IRF8: variants seen among roughly 807,000 people sequenced by gnomAD.
IRF8 encodes the protein interferon consensus sequence binding protein 1.
In IRF8, 14 loss-of-function variants were observed where a neutral mutation model predicts 48.7. That is an observed-to-expected ratio of 0.29 (90% CI 0.19 to 0.45). The LOEUF (loss-of-function observed/expected upper bound fraction) is 0.45, where lower values mean the gene tolerates loss of function less well. Ranked by LOEUF, IRF8 falls within the 20% of genes least tolerant of loss-of-function variation. IRF8 has a pLI of 1.00. For missense variants in IRF8, 493 were observed against 580.7 expected (o/e 0.85, Z 1.55); for synonymous variants, 278 against 227.3 (o/e 1.22, Z -2.01).
At chr16:85,906,094 T>C (rs888491785) in intron 2 of IRF8, among the ~76,000 whole-genome samples, 4 of 152,206 alleles carry the variant, frequency 2.6e-5, no homozygotes, top group South Asian at 2.1e-4. Flanking sequence ...TTATGATTCA[T>C]GGTTATTCCA....
At chr16:85,919,840 C>G (rs9927932) in intron 7 of IRF8, among the ~76,000 whole-genome samples, 2 of 152,184 alleles carry the variant, frequency 1.3e-5, no homozygotes, top group Admixed American at 1.3e-4. Flanking sequence ...GAGCAATGCA[C>G]GAATTGAGAG....
chr16:85,902,072 G>T (rs777306724), intron 1 of IRF8, among the ~76,000 whole-genome samples: 1 of 152,020 alleles, frequency 6.6e-6, no homozygotes, highest in Non-Finnish European at 1.5e-5. Context: ...CTGCTTGGGT[G>T]AGAGTGTTCT....
At chr16:85,902,707 C>T (rs559767792) in intron 1 of IRF8, 51 of 417,360 alleles carry the variant, frequency 1.2e-4, no homozygotes, top group African/African-American at 1.0e-3. Flanking sequence ...GTGGTTGTAT[C>T]TGCCTGAAAG....
chr16:85,919,227 G>T (rs79625116), intron 7 of IRF8, among the ~76,000 whole-genome samples: 4 of 152,182 alleles, frequency 2.6e-5, no homozygotes, highest in Non-Finnish European at 2.9e-5. Flanking sequence ...TTTGAGACAC[G>T]CTGACTTTCC....
chr16:85,919,778 G>A (rs1905474753), intron 7 of IRF8, among the ~76,000 whole-genome samples: 1 of 152,232 alleles, frequency 6.6e-6, no homozygotes. Context: ...CTCCCTGGGT[G>A]TCCTCAGGTC....
chr16:85,912,348 C>T (rs1464348207), intron 4 of IRF8, among the ~76,000 whole-genome samples: 5 of 152,256 alleles, frequency 3.3e-5, no homozygotes, highest in African/African-American at 9.6e-5. Context: ...GACTAAACCT[C>T]GTGCAGCCTT....
Position 85,921,132 on chromosome 16 carries a change from G to A in IRF8, c.1131G>A (p.Leu377=), listed in dbSNP as rs141548724. ...VQIEQLYVRQ[L]AEEAGKSCGA... is the part of the protein sequence containing the mutation. ...TTGAGCAGCTGTATGTCCGGCAACTGGCAGAAGAGGCTGGGAAGAGCTGTG... is the reference window on the plus strand; with the variant it reads ...TTGAGCAGCTGTATGTCCGGCAACTAGCAGAAGAGGCTGGGAAGAGCTGTG... Residue 377 remains leucine (L), a synonymous_variant, in exon 9 of 9, where the codon CTG becomes CTA. Transcript: ENST00000268638. The A allele has an allele frequency of 9.9e-6, 16 of 1,613,870 alleles. No individual in the cohort carries two copies. The African/African-American group carries it at 1.7e-4, about 18-fold the overall frequency.
intron 3 of IRF8, among the ~76,000 whole-genome samples, chr16:85,910,315 C>G (rs1905108239): frequency 6.6e-6 from 1 of 152,142 alleles, no homozygotes; most frequent in African/African-American, 2.4e-5. Flanking sequence ...GCAATTAGCA[C>G]CTAACTCTAC....
rs147080359 is a variant in IRF8, at chr16:85,918,628, C to T, written c.813C>T (p.Phe271=). 6,392 of 1,608,418 alleles carry T rather than the reference C, an allele frequency of 4.0e-3. 27 individuals carry two copies. Among genetic ancestry groups the T allele is most frequent in the Non-Finnish European group, 4.2e-3 (4,972 of 1,179,530 alleles). Residue 271 remains phenylalanine (F), a synonymous_variant, in exon 7 of 9, where the codon TTC becomes TTT. Transcript: ENST00000268638. ...ERQRQVTRKL[F]GHLERGVLLH... Reference sequence around the variant, plus strand: ...AGAGGCAGGTGACGCGGAAGCTGTTCGGGCACCTGGAGCGCGGGGTGCTGC... The same window carrying T: ...AGAGGCAGGTGACGCGGAAGCTGTTTGGGCACCTGGAGCGCGGGGTGCTGC...
Position 85,917,292 on chromosome 16 carries a change from A to G in IRF8, c.602-1125A>G, listed in dbSNP as rs16939975. ...AACTCACTAAGCTCATTGCTAGCGT[A>G]TGTAATTCTTTTGGTTTAAGGCAAT... On this transcript the variant is annotated intron_variant, in intron 6 of 8. Transcript: ENST00000268638. Among the ~76,000 whole-genome samples the G allele has an allele frequency of 8.3e-3, 1,266 of 152,304 alleles. 18 individuals are homozygous for G. The highest frequency in any genetic ancestry group is 0.029 in the African/African-American group (1,223 of 41,562).
At chr16:85,900,623 G>A (rs1159779784) in intron 1 of IRF8, among the ~76,000 whole-genome samples, 2 of 152,310 alleles carry the variant, frequency 1.3e-5, no homozygotes, top group Middle Eastern at 3.4e-3. Context: ...TTGGGGCGCC[G>A]GCCTGGGTTC....
rs1478941777 is a variant in IRF8 at position 85,921,637 on chromosome 16, G to A, written c.*355G>A. ...AGTAATATTAGCAGATAGCTGCTTC[G>A]ATAAAGGAATTTGGAGTTTAAAAAT... On this transcript the variant is annotated 3_prime_UTR_variant, in exon 9 of 9. Transcript: ENST00000268638. 10 of 283,516 alleles carry A rather than the reference G, an allele frequency of 3.5e-5. No homozygotes were observed. Among genetic ancestry groups the A allele is most frequent in the South Asian group, 7.9e-5 (2 of 25,474 alleles). 17.6% of individuals were successfully genotyped at this position (283,516 alleles called of 1,614,324 possible).
intron 1 of IRF8, among the ~76,000 whole-genome samples, chr16:85,899,725 G>T (rs140111344): frequency 1.3e-5 from 2 of 152,174 alleles, no homozygotes; most frequent in Non-Finnish European, 2.9e-5. Flanking sequence ...TCTGAGTCTG[G>T]CTTGAGGGCC....
chr16:85,905,692 A>G (rs932330358), intron 2 of IRF8, among the ~76,000 whole-genome samples: 8 of 152,216 alleles, frequency 5.3e-5, no homozygotes, highest in Non-Finnish European at 8.8e-5. Flanking sequence ...GGCCGGATAG[A>G]TCTTTGGCTG....
chr16:85,914,354 G>T, intron 5 of IRF8, 119 bp from the exon 6 acceptor site: 1 of 1,132,362 alleles, frequency 8.8e-7, no homozygotes, highest in Non-Finnish European at 1.3e-6. Context: ...GTGCTCCCTG[G>T]AGCCTCTGGC....
chr16:85,911,514 C>A, intron 3 of IRF8, 56 bp from the exon 4 acceptor site: 2 of 1,405,138 alleles, frequency 1.4e-6, no homozygotes, highest in Non-Finnish European at 2.0e-6. Flanking sequence ...ATGGCTTCAG[C>A]AAAGGCTGTG....
chr16:85,904,810 A>ATTTTTTTTTTTTTTTTTTTTTTTTT (rs1418168585), intron 2 of IRF8, among the ~76,000 whole-genome samples: 1 of 64,634 alleles, frequency 1.5e-5, no homozygotes, highest in Admixed American at 1.5e-4. Context: ...TTGATTGCAG[A>ATTTTTTTTTTTTTTTTTTTTTTTTT]TCTTTTTTTT....
Position 85,918,781 on chromosome 16 carries a change from C to T in IRF8, c.966C>T (p.Phe322=), listed in dbSNP as rs781716749. 20 of 1,609,988 alleles carry T rather than the reference C, an allele frequency of 1.2e-5. No homozygotes were observed. Among genetic ancestry groups the T allele is most frequent in the East Asian group, 1.1e-4 (5 of 44,900 alleles). ...KLERDEVVQV[F]DTSQFFRELQ... The stretch of plus-strand genomic sequence containing the variant: ...AGCGTGATGAGGTGGTCCAGGTCTT[C>T]GACACCAGCCAGTTCTTCCGAGGTC... Residue 322 remains phenylalanine, a synonymous_variant, in exon 7 of 9, where the codon TTC becomes TTT. Coordinates refer to ENST00000268638, the MANE Select transcript of IRF8 (RefSeq NM_002163.4).
In IRF8 at chr16:85,921,668, T is replaced by C. The variant is rs1193457258; in HGVS notation, c.*386T>C. Reference sequence around the variant, plus strand: ...GGAATTTGGAGTTTAAAAATCAACTTGTGAAAACAAGGTTGTTTTTGTCTT... The same window carrying C: ...GGAATTTGGAGTTTAAAAATCAACTCGTGAAAACAAGGTTGTTTTTGTCTT... On this transcript the variant is annotated 3_prime_UTR_variant, in exon 9 of 9. Coordinates refer to ENST00000268638, the MANE Select transcript of IRF8 (RefSeq NM_002163.4). 1.2e-5 allele frequency: 3 copies of C among 258,620 alleles called. No homozygotes were observed. The highest frequency in any genetic ancestry group is 2.3e-5 in the Non-Finnish European group (3 of 131,970). 16.0% of individuals were successfully genotyped at this position (258,620 alleles called of 1,614,324 possible).
Sources: gnomAD v4.1 joint callset for allele counts (sites outside exome capture counted in the v4.1 genomes callset) on GRCh38, gnomAD v4.1.1 for gene constraint, MANE v1.5 for transcripts, NCBI Gene and HGNC (gene_info 2026-07-23, HGNC 2026-07-21) for gene names.